KIF17: variants seen among roughly 807,000 people sequenced by gnomAD.
KIF17 encodes kinesin family member 17.
In KIF17, 80 loss-of-function variants were observed where a neutral mutation model predicts 96.8. The observed-to-expected ratio is 0.83, with a 90% confidence interval of 0.69 to 1.00. The LOEUF is 1.00. Among genes scored for constraint, KIF17 ranks in the 50% least tolerant of loss-of-function variants. The pLI, the probability that KIF17 is intolerant of heterozygous loss-of-function variation, is 0.00. For missense variants in KIF17, 1,280 were observed against 1,372.9 expected (o/e 0.93, Z 1.07); for synonymous variants, 567 against 587.5 (o/e 0.97, Z 0.51).
In KIF17 at chr1:20,690,352, G is replaced by GGCCC; in HGVS notation, c.1234-18_1234-17insGGGC. 10 of 451,114 alleles carry GGCCC rather than the reference G, an allele frequency of 2.2e-5. No individual in the cohort carries two copies. Among genetic ancestry groups the GGCCC allele is most frequent in the Non-Finnish European group, 3.8e-5 (9 of 235,108 alleles). The allele number at this position is 451,114 out of a possible 1,614,324, so 27.9% of individuals were successfully genotyped here. A position where few individuals can be genotyped will look rare whatever the true frequency, so the allele number is the denominator to read the frequency against. ...TTCATACTCCTGGGGGGGTGGGAGG[G>GGCCC]ACCAGAGGGCAGGCAGCATTTTATC... is the stretch of plus-strand genomic sequence containing the variant. On this transcript the variant is annotated splice_polypyrimidine_tract_variant and intron_variant, in intron 6 of 14. Coordinates refer to ENST00000400463, the MANE Select transcript of KIF17 (RefSeq NM_001122819.3).
chr1:20,715,610 G>A lies in KIF17; in HGVS notation c.261C>T (p.Ile87=), dbSNP rs771846647. 28 of 1,613,320 alleles carry A rather than the reference G, an allele frequency of 1.7e-5. No individual in the cohort carries two copies. Among genetic ancestry groups the A allele is most frequent in the Admixed American group, 3.3e-5 (2 of 59,980 alleles). ...CGCTGCCTGTCTGGCCGTAGGCAAA[G>A]ATGGTGCCATTGTAGCCCTCAGTGA... The part of the protein sequence containing the change: ...EGVTEGYNGT[I]FAYGQTGSGK... The change falls in exon 2 of 15, where the codon ATC becomes ATT. Residue 87 remains isoleucine (I), a synonymous_variant. Coordinates refer to ENST00000400463, the MANE Select transcript of KIF17 (RefSeq NM_001122819.3).
Position 20,709,608 on chromosome 1 carries a change from T to TCC in KIF17, c.670+29_670+30dup, listed in dbSNP as rs1177183265. Reference sequence around the variant, plus strand: ...CTAGTGGGAGTGGCTGGGTCATCTGTCCCCCTGCCCCCAACAATGGCCTCG... The same window carrying TCC: ...CTAGTGGGAGTGGCTGGGTCATCTGTCCCCCCCTGCCCCCAACAATGGCCTCG... On this transcript the variant is annotated intron_variant, in intron 4 of 14. Coordinates refer to ENST00000400463, the MANE Select transcript of KIF17 (RefSeq NM_001122819.3). This position sits in a 1 kb window ranked among gnomAD's most constrained non-coding sequence, Gnocchi z 4.7. 2 of 1,611,892 alleles carry TCC rather than the reference T, an allele frequency of 1.2e-6. No homozygotes were observed. The highest frequency in any genetic ancestry group is 4.5e-5 in the East Asian group (2 of 44,866).
At chr1:20,680,145 T>C (rs1468149611) in intron 11 of KIF17, among the ~76,000 whole-genome samples, 2 of 152,140 alleles carry the variant, frequency 1.3e-5, no homozygotes, top group Non-Finnish European at 2.9e-5. Flanking sequence ...CCACCGTGCT[T>C]GGCCTAGAGT....
intron 5 of KIF17, among the ~76,000 whole-genome samples, chr1:20,703,437 T>G (rs2054278995): frequency 6.7e-6 from 1 of 148,394 alleles, no homozygotes; most frequent in Non-Finnish European, 1.5e-5. Flanking sequence ...AGAAATGGAT[T>G]GATGGAATGG....
At chr1:20,667,990 A>C (rs1208949644) in intron 13 of KIF17, among the ~76,000 whole-genome samples, 2 of 151,354 alleles carry the variant, frequency 1.3e-5, no homozygotes, top group Non-Finnish European at 2.9e-5. Flanking sequence ...AGCCTGGGCA[A>C]CAAGAGTGAA....
chr1:20,675,485 G>A (rs181461447), intron 11 of KIF17, among the ~76,000 whole-genome samples: 1 of 151,932 alleles, frequency 6.6e-6, no homozygotes, highest in East Asian at 1.9e-4. Context: ...CTGTAAATAT[G>A]AGGGTTTATT....
Position 20,713,498 on chromosome 1 carries a change from C to T in KIF17, c.436G>A (p.Asp146Asn). 1 of 1,613,566 alleles carries T rather than the reference C, an allele frequency of 6.2e-7. No individual in the cohort carries two copies. The highest frequency in any genetic ancestry group is 8.5e-7 in the Non-Finnish European group (1 of 1,179,940). ...RASYLEIYNEDVRDLLGADTK... is the reference protein window; with the variant it reads ...RASYLEIYNENVRDLLGADTK... ...TCAGCCCCAAGGAGGTCCCGGACAT[C>T]TTCATTGTAGATCTCCAGGTAGGAG... The change falls in exon 3 of 15, where the codon GAT becomes AAT. Residue 146 changes from aspartate (D) to asparagine (N), a missense_variant. Transcript: ENST00000400463.
chr1:20,674,866 C>T (rs2053710150), intron 11 of KIF17, among the ~76,000 whole-genome samples: 1 of 152,030 alleles, frequency 6.6e-6, no homozygotes, highest in African/African-American at 2.4e-5. Context: ...AATCAATTGA[C>T]AGGCTGGGCG....
chr1:20,690,345 TG>T lies in KIF17; in HGVS notation c.1234-11del. The T allele has an allele frequency of 4.5e-5, 11 of 242,572 alleles. No homozygotes were observed. The highest frequency in any genetic ancestry group is 7.3e-5 in the Non-Finnish European group (10 of 136,378). 15.0% of individuals were successfully genotyped at this position (242,572 alleles called of 1,614,324 possible). A position where few individuals can be genotyped will look rare whatever the true frequency, so the allele number is the denominator to read the frequency against. ...GGCGCTCTTCATACTCCTGGGGGGG[TG>T]GGAGGGACCAGAGGGCAGGCAGCAT... On this transcript the variant is annotated splice_polypyrimidine_tract_variant and intron_variant, in intron 6 of 14. Coordinates refer to ENST00000400463, the MANE Select transcript of KIF17 (RefSeq NM_001122819.3).
At chr1:20,666,379 T>G in intron 13 of KIF17, 48 bp from the exon 14 acceptor site, 10 of 1,427,028 alleles carry the variant, frequency 7.0e-6, no homozygotes, top group Non-Finnish European at 8.9e-6. Context: ...TTTGTGCCCC[T>G]GGCACAGGGC....
chr1:20,695,126 A>ACG (rs1267949334), intron 6 of KIF17, among the ~76,000 whole-genome samples: 1 of 135,398 alleles, frequency 7.4e-6, no homozygotes, highest in East Asian at 2.4e-4. Context: ...GCATACACAC[A>ACG]CGCACACACA....
chr1:20,672,147 A>C lies in KIF17; in HGVS notation c.2513T>G (p.Leu838Arg). The C allele has an allele frequency of 1.2e-6, 2 of 1,614,168 alleles. No homozygotes were observed. The highest frequency in any genetic ancestry group is 2.2e-5 in the South Asian group (2 of 91,086). ...EIKDLQSEFQ[L>R]EKIDYLATIR... ...GGTGGCCAAGTAATCGATCTTCTCCAGCTGAAACTCGGACTGCAGATCTTT... is the reference window on the plus strand; with the variant it reads ...GGTGGCCAAGTAATCGATCTTCTCCCGCTGAAACTCGGACTGCAGATCTTT... The change falls in exon 12 of 15, where the codon CTG becomes CGG. Residue 838 changes from leucine to arginine, a missense_variant. Transcript: ENST00000400463. The surrounding 1 kb of genome is among the most constrained non-coding windows in gnomAD (Gnocchi z 4.3).
downstream of KIF17, among the ~76,000 whole-genome samples, chr1:20,662,576 A>G (rs895560831): frequency 6.6e-6 from 1 of 151,794 alleles, no homozygotes; most frequent in Non-Finnish European, 1.5e-5. Context: ...CTGCCCTTCC[A>G]CCCTCGACAC....
chr1:20,703,855 C>T (rs1046713406), intron 5 of KIF17, among the ~76,000 whole-genome samples: 4 of 151,742 alleles, frequency 2.6e-5, no homozygotes, highest in Non-Finnish European at 5.9e-5. Context: ...GGCGTGAACC[C>T]GGGAGGCAGA....
intron 10 of KIF17, 74 bp downstream of exon 10, chr1:20,684,735 C>T: frequency 7.0e-7 from 1 of 1,431,694 alleles, no homozygotes; most frequent in African/African-American, 1.4e-5. Flanking sequence ...TATGGCACCC[C>T]CGCCTCCATC....
intron 9 of KIF17, 23 bp downstream of exon 9, chr1:20,686,023 T>A (rs1354000203): frequency 6.5e-7 from 1 of 1,538,946 alleles, no homozygotes; most frequent in Admixed American, 2.0e-5. Flanking sequence ...GTCCCCCACA[T>A]GGAGGCCCGG....
chr1:20,664,385 AGCCTCCGAGGGGCTCC>A lies in KIF17; in HGVS notation c.*183_*198del. ...CAGGCCTCTCTAAGGAGGACTATAC[AGCCTCCGAGGGGCTCC>A]TGCCCAGGGCGGAGGTGGGCTCTCT... is the stretch of plus-strand genomic sequence containing the variant. On this transcript the variant is annotated 3_prime_UTR_variant, in exon 15 of 15. Coordinates refer to ENST00000400463, the MANE Select transcript of KIF17 (RefSeq NM_001122819.3). 3 of 1,473,174 alleles carry A rather than the reference AGCCTCCGAGGGGCTCC, an allele frequency of 2.0e-6. No homozygotes were observed. The highest frequency in any genetic ancestry group is 1.8e-6 in the Non-Finnish European group (2 of 1,116,968). The allele number at this position is 1,473,174 out of a possible 1,614,324, so 91.3% of individuals were successfully genotyped here. A position where few individuals can be genotyped will look rare whatever the true frequency, so the allele number is the denominator to read the frequency against.
At position 20,700,008 on chromosome 1, in the gene KIF17, C is replaced by G. The variant is rs12757034; in HGVS notation, c.1124-1520G>C. 0.067 allele frequency among the ~76,000 whole-genome samples: 10,152 copies of G among 152,154 alleles called. 555 individuals carry two copies. The highest frequency in any genetic ancestry group is 0.15 in the African/African-American group (6,174 of 41,472). The stretch of plus-strand genomic sequence containing the variant: ...GGGTTAGGCACGAGGAGACCCGTTG[C>G]GGGGGCGTGCAGAAACTCAGTCTGG... On this transcript the variant is annotated intron_variant, in intron 5 of 14. Coordinates refer to ENST00000400463, the MANE Select transcript of KIF17 (RefSeq NM_001122819.3). The surrounding 1 kb of genome is among the most constrained non-coding windows in gnomAD (Gnocchi z 4.6).
At chr1:20,690,564 C>G (rs2054021119) in intron 6 of KIF17, among the ~76,000 whole-genome samples, 1 of 151,910 alleles carries the variant, frequency 6.6e-6, no homozygotes, top group Non-Finnish European at 1.5e-5. Context: ...ACTCTGTCCC[C>G]CAGGCTGGAG....
Sources: allele counts gnomAD v4.1 joint callset (sites outside exome capture counted in the v4.1 genomes callset), GRCh38; gene constraint gnomAD v4.1.1; non-coding constraint Gnocchi (gnomAD v3.1); transcripts MANE v1.5; gene names NCBI Gene and HGNC (gene_info 2026-07-23, HGNC 2026-07-21).